Variants in LUZP2 observed in about 807,000 individuals in gnomAD.
The protein encoded by LUZP2 is leucine zipper protein 2.
Under a neutral mutation model 51.6 loss-of-function variants are expected in LUZP2, and 52 were observed. The ratio of observed to expected loss-of-function variants is 1.01; its 90% CI spans 0.81 to 1.27. The LOEUF (loss-of-function observed/expected upper bound fraction) is 1.27, where lower values mean the gene tolerates loss of function less well. Ranked by LOEUF, LUZP2 falls within the 50% of genes most tolerant of loss-of-function variation. The probability of loss-of-function intolerance (pLI) is 0.00; values close to 1 mark genes in which losing one functional copy is unlikely to be tolerated. For missense variants in LUZP2, 436 were observed against 395.4 expected, an observed-to-expected ratio of 1.10 and a Z score of -0.87; for synonymous variants, 154 against 137.3, an observed-to-expected ratio of 1.12 and a Z score of -0.85.
In LUZP2 at chr11:25,046,754, A is replaced by G. The variant is rs148426463; in HGVS notation, c.766-3284A>G. On this transcript the variant is annotated intron_variant, in intron 9 of 11. Coordinates refer to ENST00000336930, the MANE Select transcript of LUZP2 (RefSeq NM_001009909.4). ...AAACTCAAAATTGAAAATTTAAAAA[A>G]TCATCAACTATAATATACATTTTTT... 2.1e-3 allele frequency among the ~76,000 whole-genome samples: 319 copies of G among 152,296 alleles called. 4 individuals carry two copies. The highest frequency in any genetic ancestry group is 0.01 in the Middle Eastern group (3 of 292).
At chr11:24,583,782 C>A (rs775198667) in intron 1 of LUZP2, among the ~76,000 whole-genome samples, 3 of 151,250 alleles carry the variant, frequency 2.0e-5, no homozygotes, top group Non-Finnish European at 4.4e-5. Flanking sequence ...CGGCTCACTG[C>A]AAACTCTGCC....
intron 7 of LUZP2, among the ~76,000 whole-genome samples, chr11:24,962,887 G>A (rs989002600): frequency 1.3e-5 from 2 of 152,226 alleles, no homozygotes; most frequent in African/African-American, 2.4e-5. Context: ...CCCCATCTTT[G>A]TGGTTTTGTC....
At chr11:24,805,137 G>A (rs777164777) in intron 5 of LUZP2, among the ~76,000 whole-genome samples, 1 of 152,000 alleles carries the variant, frequency 6.6e-6, no homozygotes, top group Non-Finnish European at 1.5e-5. Context: ...GACTGGAGAG[G>A]CCTCACAATC....
At chr11:24,850,944 GT>G (rs1851375722) in intron 5 of LUZP2, among the ~76,000 whole-genome samples, 1 of 151,896 alleles carries the variant, frequency 6.6e-6, no homozygotes, top group Non-Finnish European at 1.5e-5. Flanking sequence ...AACGCTTGTG[GT>G]TTTTGCACAT....
chr11:24,569,169 G>C (rs1368546634), intron 1 of LUZP2, among the ~76,000 whole-genome samples: 3 of 151,974 alleles, frequency 2.0e-5, no homozygotes, highest in Non-Finnish European at 4.4e-5. Context: ...GCCTGTTAAA[G>C]CATGATTAAG....
chr11:24,844,513 G>C (rs1851138315), intron 5 of LUZP2, among the ~76,000 whole-genome samples: 1 of 152,158 alleles, frequency 6.6e-6, no homozygotes, highest in African/African-American at 2.4e-5. Context: ...TCCATTTTCT[G>C]AGGAGAAATT....
Position 24,659,689 on chromosome 11 carries a change from G to GA in LUZP2, c.63-69473dup, listed in dbSNP as rs35282335. ...TAAATACATAAAATATGCATAAGAT[G>GA]AAAAAAATTGATTTATTGAAATAAA... On this transcript the variant is annotated intron_variant, in intron 1 of 11. Transcript: ENST00000336930. 2.2e-3 allele frequency among the ~76,000 whole-genome samples: 329 copies of GA among 151,982 alleles called. 1 individual carries two copies. The highest frequency in any genetic ancestry group is 3.8e-3 in the Non-Finnish European group (260 of 67,952).
chr11:24,827,416 A>G (rs1404754649), intron 5 of LUZP2, among the ~76,000 whole-genome samples: 2 of 152,206 alleles, frequency 1.3e-5, no homozygotes, highest in Non-Finnish European at 2.9e-5. Flanking sequence ...ATTTATTACC[A>G]ACATTTATGG....
intron 7 of LUZP2, among the ~76,000 whole-genome samples, chr11:24,961,673 C>G (rs1486745341): frequency 6.6e-6 from 1 of 152,146 alleles, no homozygotes; most frequent in Non-Finnish European, 1.5e-5. Flanking sequence ...CTGATTATAG[C>G]TCATTGATGG....
intron 1 of LUZP2, among the ~76,000 whole-genome samples, chr11:24,531,667 TG>T (rs1290056918): frequency 6.6e-6 from 1 of 151,040 alleles, no homozygotes; most frequent in East Asian, 1.9e-4. Flanking sequence ...CACATATGAG[TG>T]AGAACATGTA....
intron 1 of LUZP2, among the ~76,000 whole-genome samples, chr11:24,692,985 C>T (rs1425615092): frequency 6.6e-6 from 1 of 151,356 alleles, no homozygotes; most frequent in Admixed American, 6.6e-5. Context: ...ATGTTTCTCC[C>T]TAGATTTTAC....
intron 1 of LUZP2, among the ~76,000 whole-genome samples, chr11:24,662,660 T>C (rs1052249103): frequency 2.0e-5 from 3 of 152,074 alleles, no homozygotes; most frequent in Non-Finnish European, 4.4e-5. Flanking sequence ...TAAGAATTCA[T>C]ACACAGCTAA....
intron 5 of LUZP2, among the ~76,000 whole-genome samples, chr11:24,851,533 A>G (rs1851394628): frequency 6.6e-6 from 1 of 152,144 alleles, no homozygotes; most frequent in East Asian, 1.9e-4. Context: ...TTTCACATTA[A>G]TGTTCATCAA....
intron 1 of LUZP2, among the ~76,000 whole-genome samples, chr11:24,710,049 C>G (rs1364303852): frequency 1.3e-5 from 2 of 152,120 alleles, no homozygotes; most frequent in Non-Finnish European, 1.5e-5. Context: ...TATTTGCCCT[C>G]AACTTAACTA....
chr11:24,540,463 C>A (rs76241896), intron 1 of LUZP2, among the ~76,000 whole-genome samples: 5 of 151,978 alleles, frequency 3.3e-5, no homozygotes, highest in Non-Finnish European at 7.4e-5. Context: ...CTGTCATGTG[C>A]GGATGCAGCA....
intron 7 of LUZP2, among the ~76,000 whole-genome samples, chr11:24,956,128 T>G (rs893020698): frequency 3.3e-5 from 5 of 151,938 alleles, no homozygotes; most frequent in African/African-American, 9.7e-5. Flanking sequence ...ACTTTTGACA[T>G]TAGAACAGAG....
intron 5 of LUZP2, among the ~76,000 whole-genome samples, chr11:24,856,539 A>C (rs1427581114): frequency 6.6e-6 from 1 of 152,104 alleles, no homozygotes; most frequent in Non-Finnish European, 1.5e-5. Flanking sequence ...AAGAACTAAA[A>C]ATAGAATTAT....
chr11:24,627,881 A>G (rs182187455), intron 1 of LUZP2, among the ~76,000 whole-genome samples: 249 of 152,056 alleles, frequency 1.6e-3, no homozygotes, highest in African/African-American at 5.7e-3. Flanking sequence ...AGATAATGAC[A>G]CCCCTCCCTT....
chr11:24,736,289 T>C (rs1244347740), intron 3 of LUZP2, among the ~76,000 whole-genome samples: 1 of 152,042 alleles, frequency 6.6e-6, no homozygotes, highest in Non-Finnish European at 1.5e-5. Context: ...CTTTATTATT[T>C]AATTTTTAAG....
Sources: gnomAD v4.1 joint callset for allele counts (sites outside exome capture counted in the v4.1 genomes callset) on GRCh38, gnomAD v4.1.1 for gene constraint, MANE v1.5 for transcripts, NCBI Gene and HGNC (gene_info 2026-07-23, HGNC 2026-07-21) for gene names.